The following HGSNAT variants were observed in gnomAD, a reference collection of about 807,000 sequenced individuals.
The protein encoded by HGSNAT is transmembrane protein 76.
In HGSNAT, 59 loss-of-function variants were observed where a neutral mutation model predicts 85.2. The observed-to-expected ratio is 0.69, with a 90% CI of 0.56 to 0.86. HGSNAT has a LOEUF of 0.86. Ranked by LOEUF, HGSNAT falls within the 40% of genes least tolerant of loss-of-function variation. The probability of loss-of-function intolerance (pLI) is 0.00; values close to 1 mark genes in which losing one functional copy is unlikely to be tolerated. For missense variants in HGSNAT, 756 were observed against 777.1 expected, an observed-to-expected ratio of 0.97 and a Z score of 0.32; for synonymous variants, 321 against 304.5, an observed-to-expected ratio of 1.05 and a Z score of -0.56.
chr8:43,161,397 G>T (rs1372888664), intron 4 of HGSNAT, 41 bp from the exon 5 acceptor site: 5 of 1,507,230 alleles, frequency 3.3e-6, no homozygotes, highest in Non-Finnish European at 1.8e-6. Flanking sequence ...TGTTCATGAT[G>T]ACATTTTTGG....
chr8:43,181,230 G>GGAGAGC (rs1563375508), intron 10 of HGSNAT, among the ~76,000 whole-genome samples: 2 of 134,830 alleles, frequency 1.5e-5, no homozygotes, highest in Non-Finnish European at 3.2e-5. Context: ...AGAGGGAGAG[G>GGAGAGC]GAGAGCATTT....
At chr8:43,196,567 A>T (rs1804734957) in intron 14 of HGSNAT, 8 of 1,246,660 alleles carry the variant, frequency 6.4e-6, no homozygotes, top group Non-Finnish European at 8.4e-6. Flanking sequence ...TTTCCCCATG[A>T]CCTGGGCTTC....
chr8:43,140,934 G>A (rs1802504961), intron 1 of HGSNAT, among the ~76,000 whole-genome samples: 3 of 152,178 alleles, frequency 2.0e-5, no homozygotes, highest in Non-Finnish European at 4.4e-5. Context: ...GCCGCGGATC[G>A]GGACGCCGGG....
At chr8:43,175,029 C>T (rs934997442) in intron 9 of HGSNAT, among the ~76,000 whole-genome samples, 2 of 85,134 alleles carry the variant, frequency 2.3e-5, no homozygotes, top group Non-Finnish European at 5.5e-5. Flanking sequence ...ATAATGTCCT[C>T]GAGTTCCATC....
chr8:43,195,577 TGGAGGAAGAGGAGGA>T (rs1799691468), intron 14 of HGSNAT, among the ~76,000 whole-genome samples: 1 of 35,638 alleles, frequency 2.8e-5, no homozygotes, highest in South Asian at 1.1e-3. Context: ...GAAGAGGGGG[TGGAGGAAGAGGAGGA>T]GGAGGAAGAA....
intron 9 of HGSNAT, among the ~76,000 whole-genome samples, chr8:43,177,123 G>T (rs1048403483): frequency 1.3e-5 from 2 of 152,134 alleles, no homozygotes; most frequent in African/African-American, 4.8e-5. Context: ...TCCTTGTCAT[G>T]TTCCAGATCT....
In HGSNAT at chr8:43,170,662, G is replaced by T; in HGVS notation, c.711G>T (p.Pro237=). Residue 237 remains proline (P), a synonymous_variant, in exon 7 of 18, where the codon CCG becomes CCT. Transcript: ENST00000379644. ...CAACGTGGCGTCTATCTGCCCTGCCGCCCCGCCTCCGCAGCGTGGACACCT... is the reference window on the plus strand; with the variant it reads ...CAACGTGGCGTCTATCTGCCCTGCCTCCCCGCCTCCGCAGCGTGGACACCT... ...QPATWRLSAL[P]PRLRSVDTFR... is the part of the protein sequence containing the mutation. The T allele has an allele frequency of 6.2e-7, 1 of 1,607,288 alleles. No individual in the cohort carries two copies. The highest frequency in any genetic ancestry group is 8.5e-7 in the Non-Finnish European group (1 of 1,177,068).
intron 1 of HGSNAT, 54 bp downstream of exon 1, chr8:43,140,668 C>A (rs62517610): frequency 1.5e-5 from 14 of 914,288 alleles, no homozygotes; most frequent in Non-Finnish European, 2.0e-5. Flanking sequence ...AGCGTCTCCT[C>A]TCCGCGGCGC....
rs756172162 is a variant in HGSNAT, at chr8:43,191,548, C to G, written c.1203C>G (p.Gly401=). The change falls in exon 12 of 18, where the codon GGC becomes GGG. Residue 401 remains glycine, a synonymous_variant. Coordinates refer to ENST00000379644, the MANE Select transcript of HGSNAT (RefSeq NM_152419.3). ...GGCTGCTCATCCTGGTGCTGGAAGG[C>G]CTGTGGCTGGGCTTGACATTCCTCC... is the stretch of plus-strand genomic sequence containing the variant. ...PQWLLILVLE[G]LWLGLTFLLP... 6.2e-7 allele frequency: 1 copy of G among 1,614,006 alleles called. No homozygotes were observed. The highest frequency in any genetic ancestry group is 1.1e-5 in the South Asian group (1 of 91,080).
intron 10 of HGSNAT, among the ~76,000 whole-genome samples, chr8:43,179,186 G>A (rs1253280236): frequency 7.3e-5 from 11 of 150,568 alleles, no homozygotes; most frequent in South Asian, 2.1e-4. Context: ...CAGTAGGGGC[G>A]GCCGGGCAGA....
intron 10 of HGSNAT, among the ~76,000 whole-genome samples, chr8:43,179,169 C>A (rs1803930805): frequency 6.7e-6 from 1 of 149,620 alleles, no homozygotes; most frequent in African/African-American, 2.5e-5. Flanking sequence ...AGGGGCTCCT[C>A]ACTTCCCAGT....
intron 10 of HGSNAT, among the ~76,000 whole-genome samples, chr8:43,180,114 A>C (rs1356517249): frequency 0.11 from 276 of 2,426 alleles, no homozygotes; most frequent in African/African-American, 0.14. Context: ...CCCCCCCCCC[A>C]CCGCCTCCCT....
At chr8:43,167,922 TC>T (rs1412308051) in intron 5 of HGSNAT, 4 of 282,948 alleles carry the variant, frequency 1.4e-5, no homozygotes, top group Admixed American at 4.8e-5. Context: ...TTTCTTTCTT[TC>T]TTTTTTTTTT....
chr8:43,187,039 G>C (rs1804339320), intron 11 of HGSNAT, among the ~76,000 whole-genome samples: 1 of 152,178 alleles, frequency 6.6e-6, no homozygotes, highest in South Asian at 2.1e-4. Flanking sequence ...TTTTACATTT[G>C]CTGAGGAGTG....
intron 2 of HGSNAT, among the ~76,000 whole-genome samples, chr8:43,153,890 A>C (rs1803000401): frequency 6.6e-6 from 1 of 152,132 alleles, no homozygotes; most frequent in Non-Finnish European, 1.5e-5. Flanking sequence ...ATTCTTTTTT[A>C]TGGCTGAATA....
intron 10 of HGSNAT, 96 bp downstream of exon 10, chr8:43,178,330 C>A: frequency 1.2e-6 from 1 of 849,676 alleles, no homozygotes; most frequent in Non-Finnish European, 1.8e-6. Context: ...ATCTCAGGTG[C>A]CTGCAAATAG....
In HGSNAT at chr8:43,197,723, C is replaced by G; in HGVS notation, c.1594C>G (p.Pro532Ala). Residue 532 changes from proline to alanine, a missense_variant, in exon 16 of 18, where the codon CCA becomes GCA. Pro to Ala is a conservative substitution (Grantham distance 27, BLOSUM62 -1). Coordinates refer to ENST00000379644, the MANE Select transcript of HGSNAT (RefSeq NM_152419.3). ...GGTTTCTGAAAATGAAGGCTTTATT[C>G]CAGTAAACAAAAATCTCTGGTATGT... ...TKVSENEGFIPVNKNLWSLSY... is the reference protein window; with the variant it reads ...TKVSENEGFIAVNKNLWSLSY... The G allele has an allele frequency of 6.2e-7, 1 of 1,613,102 alleles. No individual in the cohort carries two copies. Among genetic ancestry groups the G allele is most frequent in the African/African-American group, 1.3e-5 (1 of 74,984 alleles).
At chr8:43,177,837 A>C (rs1433779838) in intron 9 of HGSNAT, among the ~76,000 whole-genome samples, 1 of 152,138 alleles carries the variant, frequency 6.6e-6, no homozygotes, top group African/African-American at 2.4e-5. Flanking sequence ...AATTCCATTT[A>C]ATATTAAAGA....
chr8:43,182,298 A>T (rs1804155646), intron 11 of HGSNAT, 38 bp downstream of exon 11: 2 of 1,438,754 alleles, frequency 1.4e-6, no homozygotes, highest in East Asian at 2.3e-5. Flanking sequence ...AACTTTTTTT[A>T]AATTAAAAAA....
Sources: allele counts gnomAD v4.1 joint callset (sites outside exome capture counted in the v4.1 genomes callset), GRCh38; gene constraint gnomAD v4.1.1; transcripts MANE v1.5; gene names NCBI Gene and HGNC (gene_info 2026-07-23, HGNC 2026-07-21).